The following VPS13B variants were observed in gnomAD, a reference collection of about 807,000 sequenced individuals.
VPS13B encodes intermembrane lipid transfer protein VPS13B.
A neutral mutation model predicts 426.4 loss-of-function variants in VPS13B; 285 were observed. The observed-to-expected ratio is 0.67, with a 90% CI of 0.61 to 0.74. VPS13B has a LOEUF of 0.74. VPS13B is among the 30% of genes least tolerant of loss of function. The probability of loss-of-function intolerance (pLI) is 0.00; values close to 1 mark genes in which losing one functional copy is unlikely to be tolerated. For missense variants in VPS13B, 4,537 were observed against 4,782.6 expected (o/e 0.95, Z 1.51); for synonymous variants, 1,676 against 1,676.4 (o/e 1.00, Z 0.01).
chr8:99,085,386 A>G (rs150873074), intron 3 of VPS13B, among the ~76,000 whole-genome samples: 2 of 152,188 alleles, frequency 1.3e-5, no homozygotes, highest in African/African-American at 2.4e-5. Flanking sequence ...CAGCACACTT[A>G]ATGGTTCTTG....
intron 2 of VPS13B, among the ~76,000 whole-genome samples, chr8:99,033,091 A>G (rs1019389067): frequency 6.6e-6 from 1 of 152,218 alleles, no homozygotes; most frequent in African/African-American, 2.4e-5. Context: ...AGAAAAAAGC[A>G]TTTATACTGT....
At chr8:99,038,693 T>A in intron 3 of VPS13B, 127 bp downstream of exon 3, 1 of 848,376 alleles carries the variant, frequency 1.2e-6, no homozygotes, top group Non-Finnish European at 1.7e-6. Context: ...TTTTTTTTTT[T>A]TTTTTTTTTT....
At chr8:99,089,399 G>A (rs1846023917) in intron 3 of VPS13B, among the ~76,000 whole-genome samples, 1 of 152,130 alleles carries the variant, frequency 6.6e-6, no homozygotes, top group Admixed American at 6.5e-5. Flanking sequence ...CAAGCCTCAG[G>A]ACGTCCTGAT....
In VPS13B at chr8:99,861,788, C is replaced by A. The variant is rs1464523452; in HGVS notation, c.11057C>A (p.Ser3686Tyr). The A allele has an allele frequency of 6.3e-7, 1 of 1,595,364 alleles. No individual in the cohort carries two copies. Among genetic ancestry groups the A allele is most frequent in the Non-Finnish European group, 8.5e-7 (1 of 1,170,986 alleles). Reference protein sequence around the residue: ...VKHISKGTLTSITNLATSLAR... With the variant: ...VKHISKGTLTYITNLATSLAR... The stretch of plus-strand genomic sequence containing the variant: ...CTTGTTCCCTCAGGTACCCTCACAT[C>A]CATCACCAACCTCGCCACAAGCCTG... Residue 3686 changes from serine to tyrosine, a missense_variant, in exon 58 of 62, where the codon TCC (serine) becomes TAC (tyrosine). By Grantham distance (144) the Ser-to-Tyr change is moderately radical. Around this residue, in one of 2 missense-constraint regions of VPS13B, gnomAD observed 4,311 missense variants for 4,474.3 expected, o/e 0.96. Transcript: ENST00000357162.
intron 33 of VPS13B, among the ~76,000 whole-genome samples, chr8:99,610,729 A>C (rs1055945101): frequency 2.0e-5 from 3 of 152,174 alleles, no homozygotes; most frequent in Non-Finnish European, 2.9e-5. Context: ...CAGAACTTAA[A>C]GTATAATAAA....
At chr8:99,536,353 G>A (rs542494107) in intron 30 of VPS13B, among the ~76,000 whole-genome samples, 36 of 152,182 alleles carry the variant, frequency 2.4e-4, no homozygotes, top group Admixed American at 2.0e-3. Flanking sequence ...ATCTCTGAAT[G>A]CAACCATAAG....
chr8:99,435,422 T>C (rs1363948497), intron 22 of VPS13B, among the ~76,000 whole-genome samples: 1 of 152,158 alleles, frequency 6.6e-6, no homozygotes, highest in Middle Eastern at 3.2e-3. Flanking sequence ...TTGGATTACA[T>C]GATTATTTGA....
intron 35 of VPS13B, among the ~76,000 whole-genome samples, chr8:99,683,652 C>T (rs980605230): frequency 4.6e-5 from 7 of 151,592 alleles, no homozygotes; most frequent in Admixed American, 2.6e-4. Flanking sequence ...TTTTGTTTTC[C>T]ACCTGCATAT....
intron 17 of VPS13B, chr8:99,234,151 G>A: frequency 1.3e-6 from 1 of 783,096 alleles, no homozygotes; most frequent in African/African-American, 1.7e-5. Context: ...GGGGTAAAGG[G>A]GGAGCTCACC....
intron 41 of VPS13B, among the ~76,000 whole-genome samples, chr8:99,777,649 G>A (rs1323593428): frequency 2.0e-5 from 3 of 152,124 alleles, no homozygotes; most frequent in Non-Finnish European, 4.4e-5. Context: ...GTAGCAAATA[G>A]ATTCCAAAAA....
intron 34 of VPS13B, among the ~76,000 whole-genome samples, chr8:99,642,931 G>A (rs558819648): frequency 6.6e-6 from 1 of 152,222 alleles, no homozygotes; most frequent in African/African-American, 2.4e-5. Context: ...TCATGCAATA[G>A]CATCGTATTA....
At chr8:99,345,602 ATTG>A (rs1377257880) in intron 19 of VPS13B, among the ~76,000 whole-genome samples, 2 of 152,048 alleles carry the variant, frequency 1.3e-5, no homozygotes, top group African/African-American at 4.8e-5. Flanking sequence ...TTTACTTAAA[ATTG>A]TCTGTGCTAT....
intron 22 of VPS13B, among the ~76,000 whole-genome samples, chr8:99,432,491 T>C (rs1480265446): frequency 1.3e-5 from 2 of 151,948 alleles, no homozygotes; most frequent in Admixed American, 6.6e-5. Context: ...GGTGCTAAAA[T>C]CCAAAAAAGT....
intron 55 of VPS13B, among the ~76,000 whole-genome samples, chr8:99,849,533 T>C (rs1013558243): frequency 6.6e-6 from 1 of 152,244 alleles, no homozygotes; most frequent in Non-Finnish European, 1.5e-5. Flanking sequence ...GGTGAAAGTA[T>C]AAATTGGTAC....
chr8:99,642,582 A>G, intron 34 of VPS13B, 84 bp downstream of exon 34: 1 of 1,260,080 alleles, frequency 7.9e-7, no homozygotes, highest in Non-Finnish European at 1.1e-6. Flanking sequence ...GATTAAACAG[A>G]AACAGCTGGC....
At chr8:99,309,485 T>C (rs1346560549) in intron 19 of VPS13B, among the ~76,000 whole-genome samples, 9 of 152,314 alleles carry the variant, frequency 5.9e-5, no homozygotes. Flanking sequence ...AAAGATCATA[T>C]GGTTGTAGAT....
chr8:99,065,343 C>A (rs1003609436), intron 3 of VPS13B, among the ~76,000 whole-genome samples: 4 of 152,188 alleles, frequency 2.6e-5, no homozygotes, highest in African/African-American at 9.7e-5. Context: ...CCCTGGCATG[C>A]AAGGCTGGTT....
chr8:99,253,785 A>G (rs183755352), intron 17 of VPS13B, among the ~76,000 whole-genome samples: 1 of 152,044 alleles, frequency 6.6e-6, no homozygotes, highest in East Asian at 1.9e-4. Flanking sequence ...GCTGTTTGCT[A>G]TCTCTGTTTT....
intron 57 of VPS13B, 73 bp from the exon 58 acceptor site, chr8:99,861,703 C>T: frequency 6.5e-7 from 1 of 1,546,458 alleles, no homozygotes. Context: ...GCTCCCGCTG[C>T]CTCTGAAACT....
Sources: allele counts gnomAD v4.1 joint callset (sites outside exome capture counted in the v4.1 genomes callset), GRCh38; gene constraint gnomAD v4.1.1; regional missense constraint gnomAD v4.1.1; transcripts MANE v1.5; gene names NCBI Gene and HGNC (gene_info 2026-07-23, HGNC 2026-07-21).